PRKAG2: variants seen among roughly 807,000 people sequenced by gnomAD.
The protein encoded by PRKAG2 is 5'-AMP-activated protein kinase subunit gamma-2.
A neutral mutation model predicts 69.6 loss-of-function variants in PRKAG2; 26 were observed. The ratio of observed to expected loss-of-function variants is 0.37; its 90% CI spans 0.27 to 0.52. The LOEUF (loss-of-function observed/expected upper bound fraction) is 0.52. Among genes scored for constraint, PRKAG2 ranks in the 20% least tolerant of loss-of-function variants. PRKAG2 has a pLI of 0.90. For synonymous variants in PRKAG2, 293 were observed against 285.0 expected, an observed-to-expected ratio of 1.03 and a Z score of -0.28; for missense variants, 557 against 740.0, an observed-to-expected ratio of 0.75 and a Z score of 2.87.
intron 3 of PRKAG2, among the ~76,000 whole-genome samples, chr7:151,779,109 T>C (rs78667038): frequency 0.087 from 13,234 of 152,234 alleles, 738 homozygotes; most frequent in African/African-American, 0.17. Context: ...AAGAAAACAG[T>C]TGAAAGAGAT....
chr7:151,557,883 A>G, intron 15 of PRKAG2: 1 of 963,974 alleles, frequency 1.0e-6, no homozygotes, highest in Non-Finnish European at 1.2e-6. Context: ...AAATAAAAAA[A>G]AAAAAAACAA....
chr7:151,572,695 T>C lies in PRKAG2; in HGVS notation c.1020A>G (p.Glu340=), dbSNP rs770773856. Residue 340 remains glutamate, a synonymous_variant, in exon 9 of 16, where the codon GAA becomes GAG. Coordinates refer to ENST00000287878, the MANE Select transcript of PRKAG2 (RefSeq NM_016203.4). ...ATGTTTCAATTTTATGTTCCTCTAA[T>C]TCATAAATCTGTACCTGCAAATAAA... The part of the protein sequence containing the change: ...YYKSPMVQIY[E]LEEHKIETWR... 10 of 1,594,344 alleles carry C rather than the reference T, an allele frequency of 6.3e-6. No homozygotes were observed. Among genetic ancestry groups the C allele is most frequent in the East Asian group, 2.2e-5 (1 of 44,650 alleles).
intron 5 of PRKAG2, among the ~76,000 whole-genome samples, chr7:151,617,266 A>AGGAGGGAGGGAGGGAGGGAAAGAG: frequency 1.0e-5 from 1 of 96,216 alleles, no homozygotes; most frequent in African/African-American, 4.7e-5. Context: ...GAGCGAGGGA[A>AGGAGGGAGGGAGGGAGGGAAAGAG]GGAGGGAGGG....
intron 1 of PRKAG2, among the ~76,000 whole-genome samples, chr7:151,825,487 C>T (rs996757430): frequency 6.6e-6 from 1 of 152,196 alleles, no homozygotes; most frequent in African/African-American, 2.4e-5. Context: ...AGACACCCAA[C>T]GCATGCTTCC....
chr7:151,696,719 G>C (rs188763293), intron 3 of PRKAG2, among the ~76,000 whole-genome samples: 332 of 152,330 alleles, frequency 2.2e-3, no homozygotes, highest in Non-Finnish European at 3.7e-3. Context: ...CCATCGGAAG[G>C]CAGGGTCAGG....
At chr7:151,787,597 C>A (rs2077078136) in intron 1 of PRKAG2, among the ~76,000 whole-genome samples, 1 of 152,184 alleles carries the variant, frequency 6.6e-6, no homozygotes, top group South Asian at 2.1e-4. Context: ...CTTACGCATT[C>A]ATCAGTTGAT....
chr7:151,799,602 G>A (rs1350415689), intron 1 of PRKAG2, among the ~76,000 whole-genome samples: 1 of 152,168 alleles, frequency 6.6e-6, no homozygotes, highest in Non-Finnish European at 1.5e-5. Flanking sequence ...TCCCAGCCAC[G>A]CAGGCGGCAG....
At chr7:151,765,588 G>A (rs2075693243) in intron 3 of PRKAG2, among the ~76,000 whole-genome samples, 2 of 152,100 alleles carry the variant, frequency 1.3e-5, no homozygotes, top group Admixed American at 1.3e-4. Context: ...CGTCATCACT[G>A]GGCCTTCTTT....
intron 5 of PRKAG2, among the ~76,000 whole-genome samples, chr7:151,603,130 A>G (rs6960972): frequency 0.047 from 5,689 of 120,876 alleles, 324 homozygotes; most frequent in African/African-American, 0.16. Context: ...CACACGCTCC[A>G]TACTCACCGC....
In PRKAG2 at chr7:151,598,205, G is replaced by A. The variant is rs78612058; in HGVS notation, c.755-2751C>T. Among the ~76,000 whole-genome samples, 1,071 of 152,238 alleles carry A rather than the reference G, an allele frequency of 7.0e-3. 19 individuals carry two copies. The highest frequency in any genetic ancestry group is 0.024 in the African/African-American group (1,005 of 41,548). On this transcript the variant is annotated intron_variant, in intron 5 of 15. Transcript: ENST00000287878. Reference sequence around the variant, plus strand: ...CTGTGTTACATGAAATAAGCCAGGCGTGGAAAGACAAATACCATCCCATTC... The same window carrying A: ...CTGTGTTACATGAAATAAGCCAGGCATGGAAAGACAAATACCATCCCATTC...
intron 4 of PRKAG2, among the ~76,000 whole-genome samples, chr7:151,649,456 G>T (rs1237711190): frequency 6.6e-6 from 1 of 152,122 alleles, no homozygotes. Flanking sequence ...CAAGTAATAT[G>T]GTGAAAAATT....
intron 4 of PRKAG2, among the ~76,000 whole-genome samples, chr7:151,650,507 G>C (rs1828312522): frequency 6.6e-6 from 1 of 152,168 alleles, no homozygotes; most frequent in Non-Finnish European, 1.5e-5. Context: ...TGACAGTAAT[G>C]CTTGACAACA....
intron 3 of PRKAG2, among the ~76,000 whole-genome samples, chr7:151,730,030 G>T (rs1409424783): frequency 6.6e-6 from 1 of 152,216 alleles, no homozygotes; most frequent in Non-Finnish European, 1.5e-5. Flanking sequence ...TCAGGGGAGT[G>T]GGGAGTTAGG....
At position 151,591,467 on chromosome 7, in the gene PRKAG2, G is replaced by C. The variant is rs999504619; in HGVS notation, c.864+3878C>G. ...GCCTCTGTGAGATATGTGCCGGGCA[G>C]AGCATGAGGGACAGACCCCGCAGAA... On this transcript the variant is annotated intron_variant, in intron 6 of 15. Transcript: ENST00000287878. Among the ~76,000 whole-genome samples the C allele has an allele frequency of 2.6e-5, 4 of 152,294 alleles. No individual in the cohort carries two copies. In the South Asian group the frequency reaches 8.3e-4, roughly 32 times the overall value.
chr7:151,870,574 G>A (rs1454373119), intron 1 of PRKAG2, among the ~76,000 whole-genome samples: 1 of 152,194 alleles, frequency 6.6e-6, no homozygotes, highest in African/African-American at 2.4e-5. Flanking sequence ...GCTTCCATCC[G>A]GAGCGTTTCA....
At chr7:151,701,824 C>G (rs1837744856) in intron 3 of PRKAG2, among the ~76,000 whole-genome samples, 1 of 140,728 alleles carries the variant, frequency 7.1e-6, no homozygotes, top group South Asian at 2.2e-4. Context: ...GCCTGGGCGA[C>G]AGAGCGAGAC....
chr7:151,841,193 G>A lies in PRKAG2; in HGVS notation c.114+35314C>T, dbSNP rs1022769387. On this transcript the variant is annotated intron_variant, in intron 1 of 15. Transcript: ENST00000287878. ...TGTAGAGACAGGGTTTCCCTATGTTGCCATGGCTGGTCTCGGACTGCTGGG... is the reference window on the plus strand; with the variant it reads ...TGTAGAGACAGGGTTTCCCTATGTTACCATGGCTGGTCTCGGACTGCTGGG... 8.5e-5 allele frequency among the ~76,000 whole-genome samples: 13 copies of A among 152,292 alleles called. No homozygotes were observed. In the East Asian group the frequency reaches 1.5e-3, roughly 18 times the overall value.
At chr7:151,716,761 G>A (rs187598788) in intron 3 of PRKAG2, among the ~76,000 whole-genome samples, 339 of 152,326 alleles carry the variant, frequency 2.2e-3, no homozygotes, top group Middle Eastern at 6.8e-3. Context: ...AGGAAACAGC[G>A]TCTGAAACAC....
intron 1 of PRKAG2, among the ~76,000 whole-genome samples, chr7:151,876,046 G>A (rs1435174950): frequency 2.1e-5 from 1 of 47,294 alleles, no homozygotes; most frequent in African/African-American, 8.9e-5. Context: ...CCCCCGCCCC[G>A]CTGCTTTCCC....
Sources: gnomAD v4.1 joint callset for allele counts (sites outside exome capture counted in the v4.1 genomes callset) on GRCh38, gnomAD v4.1.1 for gene constraint, MANE v1.5 for transcripts, NCBI Gene and HGNC (gene_info 2026-07-23, HGNC 2026-07-21) for gene names.